RNF141: variants seen among roughly 807,000 people sequenced by gnomAD.
The protein encoded by RNF141 is C3HC4-like zinc finger protein.
RNF141 carries 18 observed loss-of-function variants against 27.4 expected under a neutral mutation model. The ratio of observed to expected loss-of-function variants is 0.66; its 90% CI spans 0.45 to 0.97. The LOEUF is 0.97. RNF141 is among the 50% of genes least tolerant of loss of function. The pLI is 0.00. For synonymous variants in RNF141, 97 were observed against 96.6 expected (o/e 1.00, Z -0.02); for missense variants, 230 against 279.4 (o/e 0.82, Z 1.26).
chr11:10,533,902 T>C (rs1591501014), intron 2 of RNF141, 114 bp downstream of exon 2: 2 of 927,202 alleles, frequency 2.2e-6, no homozygotes, highest in East Asian at 5.4e-5. Flanking sequence ...TAATGCTAAC[T>C]GAAAACATTA....
intron 1 of RNF141, among the ~76,000 whole-genome samples, chr11:10,536,541 T>C (rs993777213): frequency 6.6e-6 from 1 of 152,244 alleles, no homozygotes; most frequent in Admixed American, 6.5e-5. Context: ...AGTTATATCC[T>C]GAAGAGCCAA....
chr11:10,517,460 A>G (rs541960447), intron 5 of RNF141: 1 of 152,134 alleles, frequency 6.6e-6, no homozygotes, highest in African/African-American at 2.4e-5. Flanking sequence ...TGAAAAAATA[A>G]TGGCTGAAAA....
In RNF141 at chr11:10,514,845, C is replaced by T; in HGVS notation, c.*71G>A. ...TTTTCCTGTGTCTGTGCCAGTGCCA[C>T]AACCCTACATTCTTCCCCCATGACC... On this transcript the variant is annotated 3_prime_UTR_variant, in exon 6 of 6. Transcript: ENST00000265981. The T allele has an allele frequency of 3.5e-6, 5 of 1,447,580 alleles. No homozygotes were observed. The highest frequency in any genetic ancestry group is 1.4e-5 in the South Asian group (1 of 70,020). The allele number at this position is 1,447,580 out of a possible 1,614,324, so 89.7% of individuals were successfully genotyped here.
chr11:10,512,051 G>T lies in RNF141; in HGVS notation c.*2865C>A, dbSNP rs1021562499. Reference sequence around the variant, plus strand: ...GTAAAATTCATTTTCTCAAACTAAGGTTCTATACATAATCGGAGTAAACCC... The same window carrying T: ...GTAAAATTCATTTTCTCAAACTAAGTTTCTATACATAATCGGAGTAAACCC... On this transcript the variant is annotated 3_prime_UTR_variant, in exon 6 of 6. Transcript: ENST00000265981. The T allele has an allele frequency of 6.6e-6, 1 of 152,532 alleles. No homozygotes were observed. Among genetic ancestry groups the T allele is most frequent in the Non-Finnish European group, 1.5e-5 (1 of 68,016 alleles). 9.4% of individuals were successfully genotyped at this position (152,532 alleles called of 1,614,324 possible).
At position 10,519,044 on chromosome 11, in the gene RNF141, T is replaced by C. The variant is rs1849864907; in HGVS notation, c.532A>G (p.Ile178Val). The change falls in exon 5 of 6, where the codon ATT becomes GTT. Residue 178 changes from isoleucine to valine, a missense_variant. Coordinates refer to ENST00000265981, the MANE Select transcript of RNF141 (RefSeq NM_016422.4). ...CAGTAGGTAACTTACCATTTATCAATACACTTCTGACAAAAGCTGTGAGCA... is the reference window on the plus strand; with the variant it reads ...CAGTAGGTAACTTACCATTTATCAACACACTTCTGACAAAAGCTGTGAGCA... ...PCAHSFCQKC[I>V]DKWSDRHRNC... 1 of 1,613,658 alleles carries C rather than the reference T, an allele frequency of 6.2e-7. No homozygotes were observed. The highest frequency in any genetic ancestry group is 1.3e-5 in the African/African-American group (1 of 75,026).
At position 10,515,009 on chromosome 11, in the gene RNF141, T is replaced by C. The variant is rs758726327; in HGVS notation, c.600A>G (p.Glu200=). The C allele has an allele frequency of 6.2e-7, 1 of 1,614,056 alleles. No individual in the cohort carries two copies. Among genetic ancestry groups the C allele is most frequent in the African/African-American group, 1.3e-5 (1 of 75,066 alleles). ...ICRLQMTGAN[E]SWVVSDAPTE... ...TGGGTGCATCTGATACCACCCAAGA[T>C]TCATTTGCTCCAGTCATCTGTAGGC... The change falls in exon 6 of 6, where the codon GAA becomes GAG. Residue 200 remains glutamate, a synonymous_variant. Coordinates refer to ENST00000265981, the MANE Select transcript of RNF141 (RefSeq NM_016422.4).
Position 10,528,366 on chromosome 11 carries a change from A to G in RNF141, c.252+2277T>C, listed in dbSNP as rs1032690822. ...AAAATTTCTTTAGAGTAGCTCTAAA[A>G]TCAAGAAAAATCACATGAAAAAATA... is the stretch of plus-strand genomic sequence containing the variant. On this transcript the variant is annotated intron_variant, in intron 3 of 5. Transcript: ENST00000265981. Among the ~76,000 whole-genome samples the G allele has an allele frequency of 2.0e-5, 3 of 152,210 alleles. 1 individual carries two copies. The highest frequency in any genetic ancestry group is 4.1e-4 in the South Asian group (2 of 4,834).
intron 5 of RNF141, chr11:10,518,754 G>A (rs1190198785): frequency 3.4e-6 from 1 of 295,324 alleles, no homozygotes. Flanking sequence ...AAAAAAAGGA[G>A]GAAAAAGGGA....
chr11:10,519,090 C>T lies in RNF141; in HGVS notation c.486G>A (p.Arg162=), dbSNP rs376839601. ...GAGCACAAGGCAGGATGAGGTCAGC[C>T]CGCCCATCCATACAGATACAACACT... ...EEECCICMDG[R]ADLILPCAHS... Residue 162 remains arginine, a synonymous_variant, in exon 5 of 6, where the codon CGG becomes CGA. Coordinates refer to ENST00000265981, the MANE Select transcript of RNF141 (RefSeq NM_016422.4). The T allele has an allele frequency of 6.2e-7, 1 of 1,614,008 alleles. No individual in the cohort carries two copies. Among genetic ancestry groups the T allele is most frequent in the South Asian group, 1.1e-5 (1 of 91,078 alleles).
intron 2 of RNF141, among the ~76,000 whole-genome samples, 162 bp downstream of exon 2, chr11:10,533,854 G>C (rs531817475): frequency 2.6e-4 from 39 of 152,166 alleles, no homozygotes; most frequent in Admixed American, 6.5e-4. Context: ...AAGCTACATA[G>C]AAAGTCAACT....
rs1234380977 is a variant in RNF141, at chr11:10,514,864, C to T, written c.*52G>A. ...GTGCCACAACCCTACATTCTTCCCCCATGACCAAATATTTGAGCCCACAAT... is the reference window on the plus strand; with the variant it reads ...GTGCCACAACCCTACATTCTTCCCCTATGACCAAATATTTGAGCCCACAAT... On this transcript the variant is annotated 3_prime_UTR_variant, in exon 6 of 6. Coordinates refer to ENST00000265981, the MANE Select transcript of RNF141 (RefSeq NM_016422.4). 63 of 1,547,920 alleles carry T rather than the reference C, an allele frequency of 4.1e-5. 1 individual carries two copies. The East Asian group carries it at 1.4e-3, about 35-fold the overall frequency.
At chr11:10,517,093 A>G (rs1163199757) in intron 5 of RNF141, 2 of 152,180 alleles carry the variant, frequency 1.3e-5, no homozygotes, top group African/African-American at 2.4e-5. Flanking sequence ...TATTAGAATT[A>G]GCAGATAAAA....
chr11:10,540,013 G>C (rs548947105), intron 1 of RNF141, among the ~76,000 whole-genome samples: 9 of 152,022 alleles, frequency 5.9e-5, no homozygotes, highest in Non-Finnish European at 1.2e-4. Flanking sequence ...CTGAAGTCAG[G>C]CAATGTGAAA....
chr11:10,517,272 T>G (rs1849850249), intron 5 of RNF141: 1 of 151,724 alleles, frequency 6.6e-6, no homozygotes. Flanking sequence ...AGTTAGACAT[T>G]GAAGAAAAAT....
intron 5 of RNF141, 21 bp from the exon 6 acceptor site, chr11:10,515,087 A>C: frequency 6.3e-7 from 1 of 1,587,888 alleles, no homozygotes; most frequent in Non-Finnish European, 8.6e-7. Context: ...AGTCAAAACA[A>C]AACAGTTTGC....
Position 10,525,464 on chromosome 11 carries a change from C to T in RNF141, c.253-91G>A, listed in dbSNP as rs1849924814. On this transcript the variant is annotated intron_variant, in intron 3 of 5. Transcript: ENST00000265981. ...GGGGAACAAATATTTAGTCAAACAT[C>T]CTAGGAAATAGGAGTTTTCAGGATT... 18 of 969,906 alleles carry T rather than the reference C, an allele frequency of 1.9e-5. No homozygotes were observed. In the South Asian group the frequency reaches 3.2e-4, roughly 17 times the overall value. 60.1% of individuals were successfully genotyped at this position (969,906 alleles called of 1,614,324 possible). A position where few individuals can be genotyped will look rare whatever the true frequency, so the allele number is the denominator to read the frequency against.
intron 1 of RNF141, among the ~76,000 whole-genome samples, chr11:10,536,647 CT>C (rs1850039608): frequency 6.6e-6 from 1 of 152,128 alleles, no homozygotes; most frequent in Non-Finnish European, 1.5e-5. Flanking sequence ...GATGGAGTCT[CT>C]TTAAACAAAC....
At chr11:10,521,531 A>C (rs1479288294) in intron 4 of RNF141, among the ~76,000 whole-genome samples, 2 of 152,232 alleles carry the variant, frequency 1.3e-5, no homozygotes, top group Non-Finnish European at 2.9e-5. Context: ...AGCTATCACT[A>C]ATATGTTTTC....
At chr11:10,537,238 A>AT (rs1850045487) in intron 1 of RNF141, among the ~76,000 whole-genome samples, 2 of 152,228 alleles carry the variant, frequency 1.3e-5, no homozygotes, top group Admixed American at 1.3e-4. Context: ...TTAGGTAAAG[A>AT]TTAGAAGTAC....
Sources: allele counts gnomAD v4.1 joint callset (sites outside exome capture counted in the v4.1 genomes callset), GRCh38; gene constraint gnomAD v4.1.1; transcripts MANE v1.5; gene names NCBI Gene and HGNC (gene_info 2026-07-23, HGNC 2026-07-21).